LRMDA: variants seen among roughly 807,000 people sequenced by gnomAD.
LRMDA encodes leucine rich melanocyte differentiation associated.
In LRMDA, 18 loss-of-function variants were observed where a neutral mutation model predicts 29.8. The ratio of observed to expected loss-of-function variants is 0.60; its 90% CI spans 0.42 to 0.90. The LOEUF is 0.90. Among genes scored for constraint, LRMDA ranks in the 40% least tolerant of loss-of-function variants. LRMDA has a pLI of 0.00. For synonymous variants in LRMDA, 125 were observed against 109.4 expected (o/e 1.14, Z -0.89); for missense variants, 273 against 273.9 (o/e 1.00, Z 0.02).
chr10:75,638,406 T>C (rs889385397), intron 2 of LRMDA, among the ~76,000 whole-genome samples: 4 of 152,334 alleles, frequency 2.6e-5, no homozygotes, highest in African/African-American at 7.2e-5. Context: ...CAAGCCCTAC[T>C]GCAAGCCAAT....
chr10:75,958,338 T>C (rs1846700845), intron 2 of LRMDA, among the ~76,000 whole-genome samples: 2 of 152,232 alleles, frequency 1.3e-5, no homozygotes, highest in Admixed American at 6.5e-5. Flanking sequence ...ACTGGGATGG[T>C]TTGGGAATGC....
chr10:76,532,685 C>A (rs1420499155), intron 6 of LRMDA, among the ~76,000 whole-genome samples: 1 of 152,050 alleles, frequency 6.6e-6, no homozygotes, highest in East Asian at 1.9e-4. Flanking sequence ...TTTATTTGGG[C>A]CTTGAATGAT....
At chr10:75,697,716 T>G (rs186318129) in intron 2 of LRMDA, among the ~76,000 whole-genome samples, 1 of 152,286 alleles carries the variant, frequency 6.6e-6, no homozygotes, top group Non-Finnish European at 1.5e-5. Context: ...CTCTAATGGA[T>G]ACTCATGATC....
At position 76,035,396 on chromosome 10, in the gene LRMDA, C is replaced by A. The variant is rs1378295281; in HGVS notation, c.132-612C>A. Among the ~76,000 whole-genome samples the A allele has an allele frequency of 5.3e-5, 8 of 151,188 alleles. No individual in the cohort carries two copies. In the East Asian group the frequency reaches 1.5e-3, roughly 29 times the overall value. On this transcript the variant is annotated intron_variant, in intron 2 of 6. Transcript: ENST00000611255. ...CTTGCCTTTGGGGCAGCCACTGGGACGCTGGGCAGAAGCAAATTAAGTGAT... is the reference window on the plus strand; with the variant it reads ...CTTGCCTTTGGGGCAGCCACTGGGAAGCTGGGCAGAAGCAAATTAAGTGAT...
intron 2 of LRMDA, among the ~76,000 whole-genome samples, chr10:76,003,659 G>A (rs921463305): frequency 2.0e-5 from 3 of 152,180 alleles, no homozygotes; most frequent in Admixed American, 2.0e-4. Flanking sequence ...CATTAGGAAG[G>A]TGAGATGAGT....
intron 5 of LRMDA, among the ~76,000 whole-genome samples, chr10:76,080,928 G>C (rs1849039220): frequency 6.6e-6 from 1 of 152,178 alleles, no homozygotes; most frequent in African/African-American, 2.4e-5. Context: ...TCCTCTCTAG[G>C]TGGGCTGTGT....
At chr10:76,200,188 T>C (rs1225309084) in intron 5 of LRMDA, among the ~76,000 whole-genome samples, 1 of 152,158 alleles carries the variant, frequency 6.6e-6, no homozygotes, top group East Asian at 1.9e-4. Context: ...GGTCTTGAAC[T>C]CCTGAACTGA....
At chr10:76,197,582 A>G (rs1364461263) in intron 5 of LRMDA, among the ~76,000 whole-genome samples, 2 of 152,142 alleles carry the variant, frequency 1.3e-5, no homozygotes, top group Admixed American at 6.5e-5. Context: ...ACATCCTACA[A>G]TGCACAGGGC....
At chr10:76,144,602 TG>T (rs1431395938) in intron 5 of LRMDA, among the ~76,000 whole-genome samples, 1 of 152,202 alleles carries the variant, frequency 6.6e-6, no homozygotes, top group Non-Finnish European at 1.5e-5. Context: ...GCTGAGACAG[TG>T]GGGTTTTCTA....
intron 5 of LRMDA, among the ~76,000 whole-genome samples, chr10:76,279,146 G>A (rs1357718456): frequency 6.6e-6 from 1 of 152,170 alleles, no homozygotes; most frequent in Non-Finnish European, 1.5e-5. Context: ...ATAAGGAATT[G>A]CTGACCAAAT....
At chr10:76,309,258 A>G (rs1375839850) in intron 5 of LRMDA, among the ~76,000 whole-genome samples, 1 of 152,102 alleles carries the variant, frequency 6.6e-6, no homozygotes, top group African/African-American at 2.4e-5. Flanking sequence ...GACAGCAGGC[A>G]CCTTTCTGAT....
intron 2 of LRMDA, among the ~76,000 whole-genome samples, chr10:75,839,726 T>C (rs1289632135): frequency 1.5e-5 from 2 of 135,342 alleles, no homozygotes; most frequent in East Asian, 5.6e-4. Context: ...TTTTTTTTTT[T>C]GAGACAGAGT....
chr10:76,204,675 T>G (rs977225333), intron 5 of LRMDA, among the ~76,000 whole-genome samples: 1 of 152,214 alleles, frequency 6.6e-6, no homozygotes, highest in African/African-American at 2.4e-5. Context: ...CTTTTGTGCC[T>G]CTTCTAAAAT....
chr10:76,003,609 G>A (rs1250793646), intron 2 of LRMDA, among the ~76,000 whole-genome samples: 1 of 152,200 alleles, frequency 6.6e-6, no homozygotes, highest in Non-Finnish European at 1.5e-5. Context: ...GAAGTGGCAG[G>A]ACAGGTTGCA....
At chr10:76,046,884 G>T (rs1848447294) in intron 3 of LRMDA, among the ~76,000 whole-genome samples, 1 of 152,200 alleles carries the variant, frequency 6.6e-6, no homozygotes, top group Non-Finnish European at 1.5e-5. Context: ...TTTAGAAACA[G>T]AACTATAGAG....
At position 76,185,577 on chromosome 10, in the gene LRMDA, A is replaced by G. The variant is rs116731301; in HGVS notation, c.516+126794A>G. ...AAAACATTTTCCCAAGTCCTCCCCT[A>G]TCTTCTATCAGCCATAGTGAATCCC... On this transcript the variant is annotated intron_variant, in intron 5 of 6. Transcript: ENST00000611255. Among the ~76,000 whole-genome samples, 935 of 152,246 alleles carry G rather than the reference A, an allele frequency of 6.1e-3. 9 individuals carry two copies. Among genetic ancestry groups the G allele is most frequent in the African/African-American group, 0.018 (757 of 41,560 alleles).
At chr10:75,609,699 T>C (rs1338602785) in intron 2 of LRMDA, among the ~76,000 whole-genome samples, 3 of 152,164 alleles carry the variant, frequency 2.0e-5, no homozygotes, top group Non-Finnish European at 4.4e-5. Flanking sequence ...CCTGAGTGTG[T>C]GCTATGATGA....
intron 5 of LRMDA, among the ~76,000 whole-genome samples, chr10:76,144,703 G>T (rs920837671): frequency 5.9e-5 from 9 of 151,918 alleles, no homozygotes; most frequent in Non-Finnish European, 1.0e-4. Flanking sequence ...CTGCCTGATT[G>T]CCCTGGCCAG....
intron 2 of LRMDA, among the ~76,000 whole-genome samples, chr10:75,571,227 G>T (rs932918567): frequency 6.6e-6 from 1 of 152,210 alleles, no homozygotes; most frequent in South Asian, 2.1e-4. Context: ...ATTAACATGT[G>T]TGTGGCTCAT....
Sources: allele counts gnomAD v4.1 joint callset (sites outside exome capture counted in the v4.1 genomes callset), GRCh38; gene constraint gnomAD v4.1.1; transcripts MANE v1.5; gene names NCBI Gene and HGNC (gene_info 2026-07-23, HGNC 2026-07-21).